The following SGIP1 variants were observed in gnomAD, a reference collection of about 807,000 sequenced individuals.
The protein encoded by SGIP1 is SH3-containing GRB2-like protein 3-interacting protein 1.
In SGIP1, 38 loss-of-function variants were observed where a neutral mutation model predicts 107.5. That is an observed-to-expected ratio of 0.35 (90% CI 0.27 to 0.46). The LOEUF (loss-of-function observed/expected upper bound fraction) is 0.46. Among genes scored for constraint, SGIP1 ranks in the 20% least tolerant of loss-of-function variants. The pLI is 1.00. For synonymous variants in SGIP1, 365 were observed against 366.1 expected (o/e 1.00, Z 0.03); for missense variants, 929 against 1,019.5 (o/e 0.91, Z 1.21).
At chr1:66,699,889 T>C (rs1006319930) in intron 18 of SGIP1, among the ~76,000 whole-genome samples, 7 of 152,094 alleles carry the variant, frequency 4.6e-5, no homozygotes, top group African/African-American at 1.7e-4. Context: ...CAGTTTTAAA[T>C]TGGGGAATTT....
At chr1:66,603,398 A>T (rs2066234014) in intron 1 of SGIP1, among the ~76,000 whole-genome samples, 1 of 152,186 alleles carries the variant, frequency 6.6e-6, no homozygotes, top group Non-Finnish European at 1.5e-5. Flanking sequence ...AGTGATCCAC[A>T]AAGTTAAATT....
intron 18 of SGIP1, among the ~76,000 whole-genome samples, chr1:66,697,734 AT>A (rs1178552104): frequency 6.6e-6 from 1 of 152,122 alleles, no homozygotes; most frequent in East Asian, 1.9e-4. Context: ...ACCTAGAAGA[AT>A]TTTTTTAATT....
chr1:66,625,646 T>A (rs1489711999), intron 1 of SGIP1, among the ~76,000 whole-genome samples: 1 of 152,222 alleles, frequency 6.6e-6, no homozygotes, highest in Non-Finnish European at 1.5e-5. Context: ...GAACTTATGG[T>A]ATGAAGTCCT....
chr1:66,616,976 T>C (rs2069478344), intron 1 of SGIP1, among the ~76,000 whole-genome samples: 1 of 152,140 alleles, frequency 6.6e-6, no homozygotes, highest in Non-Finnish European at 1.5e-5. Flanking sequence ...CCTTAAGATT[T>C]CTCCCAAAAG....
chr1:66,733,939 C>A (rs2094124937), intron 21 of SGIP1, 59 bp downstream of exon 21: 2 of 1,516,148 alleles, frequency 1.3e-6, no homozygotes, highest in South Asian at 1.3e-5. Context: ...TTCTAAAGTA[C>A]CTACTATTGA....
chr1:66,647,354 C>A (rs779186379), intron 7 of SGIP1, among the ~76,000 whole-genome samples: 1 of 152,162 alleles, frequency 6.6e-6, no homozygotes, highest in Non-Finnish European at 1.5e-5. Flanking sequence ...ATCACTACCA[C>A]CCAGATCCCA....
intron 19 of SGIP1, among the ~76,000 whole-genome samples, chr1:66,728,912 G>T (rs1370881777): frequency 6.6e-6 from 1 of 151,994 alleles, no homozygotes; most frequent in Non-Finnish European, 1.5e-5. Context: ...ATGAGAACAT[G>T]TTGACAGAAA....
intron 1 of SGIP1, among the ~76,000 whole-genome samples, chr1:66,556,537 G>A (rs918366384): frequency 6.6e-6 from 1 of 152,100 alleles, no homozygotes; most frequent in Non-Finnish European, 1.5e-5. Flanking sequence ...TTCCAGGCTT[G>A]CAATGGAGCT....
At chr1:66,660,560 A>T in intron 8 of SGIP1, 36 bp downstream of exon 8, 1 of 1,584,932 alleles carries the variant, frequency 6.3e-7, no homozygotes, top group Non-Finnish European at 8.7e-7. Flanking sequence ...TGGGGCAAAC[A>T]TTATTTATTC....
chr1:66,570,967 T>C (rs1304919871), intron 1 of SGIP1, among the ~76,000 whole-genome samples: 3 of 151,964 alleles, frequency 2.0e-5, no homozygotes, highest in Admixed American at 1.3e-4. Context: ...ACAGCATTTG[T>C]AAAATCATCC....
At chr1:66,539,967 T>C (rs2054523181) in intron 1 of SGIP1, among the ~76,000 whole-genome samples, 1 of 152,190 alleles carries the variant, frequency 6.6e-6, no homozygotes, top group African/African-American at 2.4e-5. Flanking sequence ...TTTTCATCTC[T>C]GTATCCTTAG....
intron 1 of SGIP1, among the ~76,000 whole-genome samples, chr1:66,558,480 T>TAGTGTATAATACTGAA (rs1197143634): frequency 6.6e-5 from 10 of 152,024 alleles, no homozygotes; most frequent in African/African-American, 2.4e-4. Context: ...TTATATTACA[T>TAGTGTATAATACTGAA]AGTGTATAAT....
At chr1:66,588,107 G>A (rs1350242219) in intron 1 of SGIP1, among the ~76,000 whole-genome samples, 1 of 152,112 alleles carries the variant, frequency 6.6e-6, no homozygotes, top group Non-Finnish European at 1.5e-5. Flanking sequence ...AGTATGCTCT[G>A]TTTGTTATTT....
At chr1:66,608,052 T>A (rs966154161) in intron 1 of SGIP1, among the ~76,000 whole-genome samples, 1 of 152,096 alleles carries the variant, frequency 6.6e-6, no homozygotes, top group African/African-American at 2.4e-5. Context: ...CCAGACAGCG[T>A]GAAAATGGGG....
At chr1:66,567,287 T>C (rs537689509) in intron 1 of SGIP1, among the ~76,000 whole-genome samples, 1 of 152,300 alleles carries the variant, frequency 6.6e-6, no homozygotes, top group East Asian at 1.9e-4. Context: ...ATATGTTTGT[T>C]GGCTGCATAA....
intron 7 of SGIP1, among the ~76,000 whole-genome samples, chr1:66,652,681 C>A (rs1263183105): frequency 1.3e-5 from 2 of 151,736 alleles, no homozygotes; most frequent in Non-Finnish European, 2.9e-5. Context: ...GAATTTGCCG[C>A]TGCTTGGTAA....
intron 20 of SGIP1, among the ~76,000 whole-genome samples, chr1:66,731,917 G>A (rs1437990099): frequency 6.6e-6 from 1 of 152,074 alleles, no homozygotes; most frequent in Non-Finnish European, 1.5e-5. Context: ...TAAAAAATAT[G>A]CGGGAACAAT....
chr1:66,703,874 C>CTG (rs535613429), intron 18 of SGIP1, among the ~76,000 whole-genome samples: 3,592 of 142,104 alleles, frequency 0.025, 68 homozygotes, highest in African/African-American at 0.055. Context: ...AAAAAGAACT[C>CTG]TGTGTGTGTG....
chr1:66,613,958 C>T (rs1021073345), intron 1 of SGIP1, among the ~76,000 whole-genome samples: 13 of 152,108 alleles, frequency 8.5e-5, no homozygotes, highest in African/African-American at 1.7e-4. Flanking sequence ...GATAGTGATG[C>T]CAAATGCTCC....
Sources: allele counts gnomAD v4.1 joint callset (sites outside exome capture counted in the v4.1 genomes callset), GRCh38; gene constraint gnomAD v4.1.1; transcripts MANE v1.5; gene names NCBI Gene and HGNC (gene_info 2026-07-23, HGNC 2026-07-21).